The following TENM2 variants were observed in gnomAD, a reference collection of about 807,000 sequenced individuals.
TENM2 encodes the protein teneurin-2.
A neutral mutation model predicts 245.2 loss-of-function variants in TENM2; 52 were observed. That is an observed-to-expected ratio of 0.21 (90% confidence interval 0.17 to 0.27). The LOEUF is 0.27. Among genes scored for constraint, TENM2 ranks in the 10% least tolerant of loss-of-function variants. TENM2 has a pLI of 1.00. For missense variants in TENM2, 3,046 were observed against 3,666.8 expected (o/e 0.83, Z 4.37); for synonymous variants, 1,363 against 1,438.9 (o/e 0.95, Z 1.19).
At chr5:167,119,242 C>A in the TENM2 span, among the ~76,000 whole-genome samples, 1 of 152,160 alleles carries the variant, frequency 6.6e-6, no homozygotes, top group Non-Finnish European at 1.5e-5. Context: ...TGATAAAAAT[C>A]ACACATTTAA....
intron 4 of TENM2, among the ~76,000 whole-genome samples, chr5:167,980,541 G>A (rs893722607): frequency 6.6e-6 from 1 of 152,190 alleles, no homozygotes; most frequent in Admixed American, 6.5e-5. Context: ...TGCCTTAGGA[G>A]CAGAGCACGG....
At chr5:167,793,838 A>T (rs1765142847) in intron 2 of TENM2, among the ~76,000 whole-genome samples, 1 of 152,010 alleles carries the variant, frequency 6.6e-6, no homozygotes, top group Admixed American at 6.6e-5. Flanking sequence ...TAAAAAAAAA[A>T]AAGAAAAAAA....
chr5:167,266,862 G>T, the TENM2 span, among the ~76,000 whole-genome samples: 1 of 152,164 alleles, frequency 6.6e-6, no homozygotes, highest in Non-Finnish European at 1.5e-5. Flanking sequence ...AATGTGCCAT[G>T]CTAGATGAAT....
intron 2 of TENM2, among the ~76,000 whole-genome samples, chr5:167,530,295 A>G: frequency 6.6e-6 from 1 of 152,346 alleles, no homozygotes; most frequent in Non-Finnish European, 1.5e-5. Flanking sequence ...GTTTTAAAAA[A>G]TGAAGAATAA....
At chr5:167,432,622 G>A (rs1212043287) in intron 2 of TENM2, among the ~76,000 whole-genome samples, 2 of 150,152 alleles carry the variant, frequency 1.3e-5, no homozygotes, top group African/African-American at 5.0e-5. Context: ...ATATCAGCAG[G>A]AATCTCATAT....
intron 2 of TENM2, among the ~76,000 whole-genome samples, chr5:167,564,521 A>G (rs932777769): frequency 2.0e-5 from 3 of 152,182 alleles, no homozygotes; most frequent in Admixed American, 1.3e-4. Flanking sequence ...CCTGATTAGC[A>G]GAGTTGGAAA....
the TENM2 span, among the ~76,000 whole-genome samples, chr5:167,034,357 G>A: frequency 0.011 from 1,735 of 152,258 alleles, 11 homozygotes; most frequent in Admixed American, 0.017. Flanking sequence ...TTGGCCGGGC[G>A]CGGTGGCTCA....
intron 2 of TENM2, among the ~76,000 whole-genome samples, chr5:167,550,587 T>C (rs945556971): frequency 6.6e-6 from 1 of 152,114 alleles, no homozygotes; most frequent in Non-Finnish European, 1.5e-5. Flanking sequence ...GGCAGTATGT[T>C]CTAGAGGAGT....
intron 2 of TENM2, among the ~76,000 whole-genome samples, chr5:167,794,808 TG>T (rs1165211117): frequency 2.6e-5 from 4 of 152,198 alleles, no homozygotes; most frequent in Non-Finnish European, 5.9e-5. Context: ...TAATGCAATA[TG>T]GTTTCCTGGA....
chr5:168,244,476 G>C lies in TENM2; in HGVS notation c.5577G>C (p.Lys1859Asn). ...ATGATCGAAATATTCGGACTGAAAAGATCTATGATGACCACCGGAAGTTCA... is the reference window on the plus strand; with the variant it reads ...ATGATCGAAATATTCGGACTGAAAACATCTATGATGACCACCGGAAGTTCA... Residue 1859 changes from lysine to asparagine, a missense_variant, in exon 26 of 29, where the codon AAG (lysine) becomes AAC (asparagine). Coordinates refer to ENST00000518659, the Ensembl canonical transcript of TENM2. The surrounding 1 kb of genome is among the most constrained non-coding windows in gnomAD (Gnocchi z 4.9). The C allele has an allele frequency of 6.2e-7, 1 of 1,601,784 alleles. No homozygotes were observed. Among genetic ancestry groups the C allele is most frequent in the Non-Finnish European group, 8.5e-7 (1 of 1,172,062 alleles).
chr5:167,624,376 C>G (rs934960676), intron 2 of TENM2, among the ~76,000 whole-genome samples: 2 of 152,092 alleles, frequency 1.3e-5, no homozygotes, highest in African/African-American at 4.8e-5. Flanking sequence ...ATTGGCTAGT[C>G]ATGGACATAA....
At chr5:167,900,897 G>A (rs1407011361) in intron 3 of TENM2, among the ~76,000 whole-genome samples, 2 of 151,956 alleles carry the variant, frequency 1.3e-5, no homozygotes, top group African/African-American at 4.8e-5. Flanking sequence ...ACTTTTCTGT[G>A]GGAGATTGAC....
chr5:168,125,056 C>T lies in TENM2; in HGVS notation c.2209+6C>T. Reference sequence around the variant, plus strand: ...GGGTCCCGACTGCTCTGTTGGTAAGCCACAAGGTTTTCTCCTTCCTCTCTC... The same window carrying T: ...GGGTCCCGACTGCTCTGTTGGTAAGTCACAAGGTTTTCTCCTTCCTCTCTC... On this transcript the variant is annotated splice_donor_region_variant and intron_variant, in intron 11 of 28. Coordinates refer to ENST00000518659, the Ensembl canonical transcript of TENM2. 6.2e-7 allele frequency: 1 copy of T among 1,601,842 alleles called. No homozygotes were observed.
intron 7 of TENM2, among the ~76,000 whole-genome samples, chr5:168,078,085 A>C (rs1253505913): frequency 6.6e-6 from 1 of 152,074 alleles, no homozygotes. Flanking sequence ...CCTCTCCAGC[A>C]CCCGTTGTTT....
intron 5 of TENM2, among the ~76,000 whole-genome samples, chr5:168,019,221 A>G (rs1785930453): frequency 6.6e-6 from 1 of 152,190 alleles, no homozygotes; most frequent in Non-Finnish European, 1.5e-5. Context: ...ATTGGGGAGA[A>G]GGACAGCATG....
chr5:167,134,878 T>C, the TENM2 span, among the ~76,000 whole-genome samples: 2 of 152,212 alleles, frequency 1.3e-5, no homozygotes, highest in African/African-American at 4.8e-5. Context: ...CACAAAAAAT[T>C]ACCTCTCTCC....
intron 13 of TENM2, among the ~76,000 whole-genome samples, chr5:168,173,099 T>A (rs1010341965): frequency 6.6e-6 from 1 of 152,178 alleles, no homozygotes; most frequent in African/African-American, 2.4e-5. Context: ...CTCCTTCAGT[T>A]TCCTGGAACT....
chr5:167,968,598 A>G (rs972293701), intron 4 of TENM2, among the ~76,000 whole-genome samples: 5 of 152,178 alleles, frequency 3.3e-5, no homozygotes, highest in African/African-American at 9.7e-5. Context: ...TTATTTTTTA[A>G]TTATTTGAAC....
the TENM2 span, among the ~76,000 whole-genome samples, chr5:167,014,028 A>G: frequency 6.6e-6 from 1 of 152,192 alleles, no homozygotes; most frequent in South Asian, 2.1e-4. Flanking sequence ...CATCACCTAA[A>G]TGAATCAGGA....
Sources: allele counts gnomAD v4.1 joint callset (sites outside exome capture counted in the v4.1 genomes callset), GRCh38; gene constraint gnomAD v4.1.1; non-coding constraint Gnocchi (gnomAD v3.1); transcripts MANE v1.5; gene names NCBI Gene and HGNC (gene_info 2026-07-23, HGNC 2026-07-21).